The following LRRC4C variants were observed in gnomAD, a reference collection of about 807,000 sequenced individuals.
The protein encoded by LRRC4C is leucine-rich repeat-containing protein 4C.
In LRRC4C, 5 loss-of-function variants were observed where a neutral mutation model predicts 33.6. The observed-to-expected ratio is 0.15, with a 90% CI of 0.08 to 0.31. The LOEUF (loss-of-function observed/expected upper bound fraction) is 0.31, where lower values mean the gene tolerates loss of function less well. LRRC4C is among the 10% of genes least tolerant of loss of function. The probability of loss-of-function intolerance (pLI) is 1.00; values close to 1 mark genes in which losing one functional copy is unlikely to be tolerated. For missense variants in LRRC4C, 560 were observed against 796.7 expected (o/e 0.70, Z 3.58); for synonymous variants, 329 against 302.0 (o/e 1.09, Z -0.93).
At chr11:40,475,673 T>TG (rs1211816086) in intron 3 of LRRC4C, among the ~76,000 whole-genome samples, 1 of 152,154 alleles carries the variant, frequency 6.6e-6, no homozygotes, top group Admixed American at 6.5e-5. Context: ...GGGTGGGATT[T>TG]GGGGGAGCAT....
At chr11:40,689,280 T>C (rs1042754221) in intron 2 of LRRC4C, among the ~76,000 whole-genome samples, 15 of 152,156 alleles carry the variant, frequency 9.9e-5, no homozygotes, top group African/African-American at 3.6e-4. Context: ...CAGGTAAGAA[T>C]GTGGGATTTG....
intron 2 of LRRC4C, among the ~76,000 whole-genome samples, chr11:40,816,807 A>G (rs1467446072): frequency 6.6e-6 from 1 of 152,116 alleles, no homozygotes; most frequent in African/African-American, 2.4e-5. Flanking sequence ...CTAGTATTCT[A>G]TAGGGTATTT....
intron 3 of LRRC4C, among the ~76,000 whole-genome samples, chr11:40,436,655 G>A (rs560702748): frequency 6.6e-6 from 1 of 152,160 alleles, no homozygotes; most frequent in African/African-American, 2.4e-5. Flanking sequence ...TGCCTGAAAT[G>A]AGCCTTCAAG....
In LRRC4C at chr11:40,728,766, G is replaced by C. The variant is rs140578270; in HGVS notation, c.-406-80488C>G. Among the ~76,000 whole-genome samples, 616 of 151,910 alleles carry C rather than the reference G, an allele frequency of 4.1e-3. 5 individuals are homozygous for C. Among genetic ancestry groups the C allele is most frequent in the African/African-American group, 0.013 (541 of 41,416 alleles). ...CAGTGGATTAGATCAAAGATCATAAGAACGTGCATATACACCATGGAATAA... is the reference window on the plus strand; with the variant it reads ...CAGTGGATTAGATCAAAGATCATAACAACGTGCATATACACCATGGAATAA... On this transcript the variant is annotated intron_variant, in intron 2 of 6. Transcript: ENST00000528697.
intron 1 of LRRC4C, among the ~76,000 whole-genome samples, chr11:41,361,452 C>T (rs905869383): frequency 1.3e-5 from 2 of 152,192 alleles, no homozygotes; most frequent in East Asian, 3.9e-4. Flanking sequence ...AATGTTCACA[C>T]AATTTGCCCA....
chr11:40,137,207 C>G (rs180731681), intron 6 of LRRC4C, among the ~76,000 whole-genome samples: 1 of 151,932 alleles, frequency 6.6e-6, no homozygotes, highest in African/African-American at 2.4e-5. Context: ...AGAATAGGAA[C>G]TATCACTTTT....
chr11:41,136,261 C>T (rs916956567), intron 1 of LRRC4C, among the ~76,000 whole-genome samples: 5 of 152,060 alleles, frequency 3.3e-5, no homozygotes, highest in South Asian at 4.1e-4. Context: ...AAATCTTACG[C>T]GTGTAGGGGG....
intron 1 of LRRC4C, among the ~76,000 whole-genome samples, chr11:41,008,754 C>T (rs1410940611): frequency 6.6e-6 from 1 of 152,064 alleles, no homozygotes; most frequent in Admixed American, 6.6e-5. Context: ...TCTAGTTTGT[C>T]ACTTAGTTGG....
intron 1 of LRRC4C, among the ~76,000 whole-genome samples, chr11:41,150,579 A>G (rs915297012): frequency 6.6e-6 from 1 of 151,856 alleles, no homozygotes; most frequent in East Asian, 1.9e-4. Flanking sequence ...ATCACGAGGT[A>G]AGGAGTTTGA....
intron 1 of LRRC4C, among the ~76,000 whole-genome samples, chr11:41,081,791 A>G (rs113585660): frequency 5.9e-5 from 9 of 152,342 alleles, no homozygotes; most frequent in African/African-American, 1.7e-4. Context: ...TAATATTATT[A>G]TATTCTAAAG....
At chr11:40,408,940 G>A (rs1309561529) in intron 3 of LRRC4C, among the ~76,000 whole-genome samples, 1 of 151,844 alleles carries the variant, frequency 6.6e-6, no homozygotes, top group Non-Finnish European at 1.5e-5. Flanking sequence ...AAAAGACTCT[G>A]AATAGCCAAA....
chr11:41,354,944 AT>A (rs1288486921), intron 1 of LRRC4C, among the ~76,000 whole-genome samples: 29 of 152,154 alleles, frequency 1.9e-4, no homozygotes, highest in Admixed American at 1.8e-3. Flanking sequence ...CTTGGGAAAG[AT>A]TTCACAACAA....
At chr11:40,581,166 T>G (rs1346080244) in intron 3 of LRRC4C, among the ~76,000 whole-genome samples, 2 of 152,232 alleles carry the variant, frequency 1.3e-5, no homozygotes, top group African/African-American at 4.8e-5. Flanking sequence ...ACTGGCTAAT[T>G]ACACTAACAG....
At position 40,646,675 on chromosome 11, in the gene LRRC4C, C is replaced by A. The variant is rs544314225; in HGVS notation, c.-270+1467G>T. On this transcript the variant is annotated intron_variant, in intron 3 of 6. Transcript: ENST00000528697. ...AGGCCGGACTGCAGTGGCACTATCT[C>A]GGCTCACTGCAAGCTCCGCCCTCCG... Among the ~76,000 whole-genome samples, 50 of 152,306 alleles carry A rather than the reference C, an allele frequency of 3.3e-4. 1 individual carries two copies. The highest frequency in any genetic ancestry group is 8.4e-4 in the African/African-American group (35 of 41,566).
At chr11:40,542,052 C>A (rs9667435) in intron 3 of LRRC4C, among the ~76,000 whole-genome samples, 1 of 149,260 alleles carries the variant, frequency 6.7e-6, no homozygotes, top group East Asian at 2.0e-4. Flanking sequence ...TTCTCTTTCT[C>A]TCTTTCTTTC....
At chr11:40,364,656 A>T (rs1056633113) in intron 3 of LRRC4C, among the ~76,000 whole-genome samples, 1 of 137,222 alleles carries the variant, frequency 7.3e-6, no homozygotes, top group Non-Finnish European at 1.6e-5. Context: ...AAAAACAATG[A>T]CCAAAGATTT....
chr11:41,316,267 AAAAAAAAAAAAAC>A (rs1025137497), intron 1 of LRRC4C, among the ~76,000 whole-genome samples: 5 of 149,546 alleles, frequency 3.3e-5, no homozygotes, highest in Non-Finnish European at 7.4e-5. Context: ...GATGGCAAAA[AAAAAAAAAAAAAC>A]AAAAAAAAAC....
At chr11:40,409,524 A>G (rs1025344965) in intron 3 of LRRC4C, among the ~76,000 whole-genome samples, 1 of 152,066 alleles carries the variant, frequency 6.6e-6, no homozygotes, top group Non-Finnish European at 1.5e-5. Context: ...GAATATAAAA[A>G]AACTAAAATG....
At chr11:41,154,831 A>G (rs775160744) in intron 1 of LRRC4C, among the ~76,000 whole-genome samples, 1 of 152,128 alleles carries the variant, frequency 6.6e-6, no homozygotes, top group Non-Finnish European at 1.5e-5. Flanking sequence ...AAAACAACAG[A>G]GGGTAAAATG....
Sources: allele counts gnomAD v4.1 joint callset (sites outside exome capture counted in the v4.1 genomes callset), GRCh38; gene constraint gnomAD v4.1.1; transcripts MANE v1.5; gene names NCBI Gene and HGNC (gene_info 2026-07-23, HGNC 2026-07-21).